The following CTNNA2 variants were observed in gnomAD, a reference collection of about 807,000 sequenced individuals.
The protein encoded by CTNNA2 is catenin alpha-2.
Under a neutral mutation model 101.0 loss-of-function variants are expected in CTNNA2, and 42 were observed. The observed-to-expected ratio is 0.42, with a 90% confidence interval of 0.32 to 0.54. CTNNA2 has a LOEUF of 0.54. Among genes scored for constraint, CTNNA2 ranks in the 20% least tolerant of loss-of-function variants. CTNNA2 has a pLI of 0.14. For missense variants in CTNNA2, 871 were observed against 1,223.1 expected (o/e 0.71, Z 4.29); for synonymous variants, 450 against 456.4 (o/e 0.99, Z 0.18).
chr2:79,621,903 A>T (rs569273967), intron 1 of CTNNA2, among the ~76,000 whole-genome samples: 1 of 152,200 alleles, frequency 6.6e-6, no homozygotes, highest in African/African-American at 2.4e-5. Flanking sequence ...AAACTCTCAC[A>T]TGAGTAGCAT....
In CTNNA2 at chr2:80,292,815, G is replaced by A. The variant is rs533482545; in HGVS notation, c.1057-100396G>A. Reference sequence around the variant, plus strand: ...ATTGAATGAGTTGAGCAATATAATCGGAAGTTAAAAGCATCTGAGTGATAT... The same window carrying A: ...ATTGAATGAGTTGAGCAATATAATCAGAAGTTAAAAGCATCTGAGTGATAT... On this transcript the variant is annotated intron_variant, in intron 7 of 18. Transcript: ENST00000402739. Among the ~76,000 whole-genome samples the A allele has an allele frequency of 3.9e-5, 6 of 152,296 alleles. No individual in the cohort carries two copies. The East Asian group carries it at 9.6e-4, about 24-fold the overall frequency.
At chr2:80,078,473 A>G (rs1301362276) in intron 7 of CTNNA2, among the ~76,000 whole-genome samples, 2 of 152,188 alleles carry the variant, frequency 1.3e-5, no homozygotes, top group South Asian at 2.1e-4. Context: ...AGAAAAGTGG[A>G]CATGGGTCAT....
At chr2:80,226,882 T>C (rs949350385) in intron 7 of CTNNA2, among the ~76,000 whole-genome samples, 2 of 152,212 alleles carry the variant, frequency 1.3e-5, no homozygotes, top group African/African-American at 4.8e-5. Context: ...GCATTTGTTC[T>C]GCCCTGCCCC....
chr2:80,513,099 T>C (rs1431285799), intron 9 of CTNNA2, among the ~76,000 whole-genome samples: 1 of 152,202 alleles, frequency 6.6e-6, no homozygotes, highest in Non-Finnish European at 1.5e-5. Flanking sequence ...TAAAGACACA[T>C]CCTTTGCTTT....
chr2:79,311,176 G>A (rs946702784), intron 2 of CTNNA2, among the ~76,000 whole-genome samples: 2 of 152,204 alleles, frequency 1.3e-5, no homozygotes, highest in South Asian at 2.1e-4. Context: ...TTGGGAGGCC[G>A]AGGCGGGCGG....
At chr2:80,031,837 A>G (rs1009346322) in intron 7 of CTNNA2, among the ~76,000 whole-genome samples, 6 of 152,358 alleles carry the variant, frequency 3.9e-5, no homozygotes, top group African/African-American at 1.4e-4. Flanking sequence ...ACATCTGTCT[A>G]CAGATAGTGA....
At chr2:80,524,916 T>C (rs1473816732) in intron 9 of CTNNA2, among the ~76,000 whole-genome samples, 2 of 152,128 alleles carry the variant, frequency 1.3e-5, no homozygotes, top group African/African-American at 4.8e-5. Context: ...GTCTCCCCCT[T>C]GCCACCCCCA....
At chr2:79,465,533 C>T (rs973143782) in intron 4 of CTNNA2, among the ~76,000 whole-genome samples, 1 of 152,098 alleles carries the variant, frequency 6.6e-6, no homozygotes, top group Non-Finnish European at 1.5e-5. Context: ...TCATTGGAAG[C>T]TTGATGGGGA....
intron 2 of CTNNA2, among the ~76,000 whole-genome samples, chr2:79,672,626 A>T (rs1014475641): frequency 6.6e-6 from 1 of 152,124 alleles, no homozygotes; most frequent in Admixed American, 6.6e-5. Flanking sequence ...AAAATCAAAA[A>T]AACTTAGAAA....
chr2:80,581,009 C>T (rs1695489801), intron 13 of CTNNA2, among the ~76,000 whole-genome samples: 1 of 112,934 alleles, frequency 8.9e-6, no homozygotes, highest in Admixed American at 9.3e-5. Flanking sequence ...CAGTGAGACC[C>T]TGTCTCAAAA....
chr2:80,516,605 T>G (rs1689129682), intron 9 of CTNNA2, among the ~76,000 whole-genome samples: 1 of 152,212 alleles, frequency 6.6e-6, no homozygotes, highest in South Asian at 2.1e-4. Flanking sequence ...CTCAGGAACA[T>G]GTGAACTTTT....
intron 7 of CTNNA2, among the ~76,000 whole-genome samples, chr2:80,352,408 A>G (rs187529515): frequency 6.2e-4 from 95 of 152,270 alleles, no homozygotes; most frequent in African/African-American, 2.2e-3. Context: ...CATGTCCCCA[A>G]CTGATATTTC....
At chr2:79,894,688 G>T (rs1025012125) in intron 6 of CTNNA2, among the ~76,000 whole-genome samples, 3 of 151,758 alleles carry the variant, frequency 2.0e-5, no homozygotes, top group Admixed American at 6.6e-5. Context: ...CTTATTTTTT[G>T]AAACCTTTCC....
At chr2:80,262,051 C>A (rs1672648546) in intron 7 of CTNNA2, among the ~76,000 whole-genome samples, 1 of 151,998 alleles carries the variant, frequency 6.6e-6, no homozygotes, top group African/African-American at 2.4e-5. Flanking sequence ...TGATTAATAA[C>A]AATTGTAAAT....
Position 79,536,574 on chromosome 2 carries a change from AGTGT to A in CTNNA2, c.-6+23392_-6+23395del, listed in dbSNP as rs61029469. On this transcript the variant is annotated intron_variant, in intron 1 of 18. Transcript: ENST00000402739. ...ATATACACCTAAATATCTCTAAAGAAGTGTGTGTGTGTGTGTGTGTGTGTGTGTT... is the reference window on the plus strand; with the variant it reads ...ATATACACCTAAATATCTCTAAAGAAGTGTGTGTGTGTGTGTGTGTGTGTT... Among the ~76,000 whole-genome samples, 145 of 146,808 alleles carry A rather than the reference AGTGT, an allele frequency of 9.9e-4. 2 individuals are homozygous for A. In the East Asian group the frequency reaches 0.023, roughly 23 times the overall value.
intron 4 of CTNNA2, among the ~76,000 whole-genome samples, chr2:79,869,125 T>C (rs958486492): frequency 1.3e-5 from 2 of 152,186 alleles, no homozygotes. Flanking sequence ...CCAATGCTAC[T>C]ATGGAAAAGT....
At chr2:80,596,223 G>T (rs1336969565) in intron 15 of CTNNA2, among the ~76,000 whole-genome samples, 1 of 135,296 alleles carries the variant, frequency 7.4e-6, no homozygotes, top group East Asian at 2.5e-4. Flanking sequence ...TGCATCCTGA[G>T]ACTTTACTGA....
chr2:79,227,724 A>G (rs917781981), intron 2 of CTNNA2, among the ~76,000 whole-genome samples: 1 of 152,236 alleles, frequency 6.6e-6, no homozygotes, highest in South Asian at 2.1e-4. Context: ...GCTAATGATC[A>G]TCTGAGTCTT....
chr2:79,593,954 TCTCAG>T (rs1320377218), intron 1 of CTNNA2, among the ~76,000 whole-genome samples: 1 of 139,722 alleles, frequency 7.2e-6, no homozygotes, highest in Admixed American at 7.8e-5. Context: ...AGTGGTGCGA[TCTCAG>T]CTCATTGCCA....
Sources: allele counts gnomAD v4.1 joint callset (sites outside exome capture counted in the v4.1 genomes callset), GRCh38; gene constraint gnomAD v4.1.1; transcripts MANE v1.5; gene names NCBI Gene and HGNC (gene_info 2026-07-23, HGNC 2026-07-21).